Variants in OSBPL9 observed in about 807,000 individuals in gnomAD.
OSBPL9 encodes oxysterol binding protein like 9.
A neutral mutation model predicts 106.6 loss-of-function variants in OSBPL9; 40 were observed. That is an observed-to-expected ratio of 0.38 (90% CI 0.29 to 0.49). The LOEUF (loss-of-function observed/expected upper bound fraction) is 0.49. OSBPL9 is among the 20% of genes least tolerant of loss of function. OSBPL9 has a pLI of 0.97. For synonymous variants in OSBPL9, 269 were observed against 295.4 expected (o/e 0.91, Z 0.92); for missense variants, 609 against 887.2 (o/e 0.69, Z 3.98).
intron 1 of OSBPL9, among the ~76,000 whole-genome samples, chr1:51,646,880 A>G (rs563664027): frequency 6.6e-6 from 1 of 152,238 alleles, no homozygotes; most frequent in Non-Finnish European, 1.5e-5. Flanking sequence ...TCAAACAGAA[A>G]TACTTTAAAC....
At chr1:51,620,977 C>T (rs1002609476) in intron 1 of OSBPL9, among the ~76,000 whole-genome samples, 1 of 152,200 alleles carries the variant, frequency 6.6e-6, no homozygotes, top group Non-Finnish European at 1.5e-5. Context: ...ATTCACTTGC[C>T]TCGGCCTCCC....
chr1:51,519,244 A>G, the OSBPL9 span: 2 of 1,161,988 alleles, frequency 1.7e-6, no homozygotes, highest in Non-Finnish European at 2.2e-6. Flanking sequence ...TGTTTCCATC[A>G]TGCAAGGGAG....
chr1:51,519,175 C>T, the OSBPL9 span: 1 of 1,431,066 alleles, frequency 7.0e-7, no homozygotes, highest in Non-Finnish European at 9.2e-7. Context: ...CGGCCAAGCC[C>T]GGCGGACGGG....
chr1:51,599,645 G>A (rs922964186), intron 2 of OSBPL9, among the ~76,000 whole-genome samples: 12 of 152,174 alleles, frequency 7.9e-5, no homozygotes, highest in Middle Eastern at 3.4e-3. Context: ...TCTACAAGCT[G>A]ATAAAATGTG....
intron 3 of OSBPL9, among the ~76,000 whole-genome samples, chr1:51,671,923 T>C (rs1649971713): frequency 6.6e-6 from 1 of 152,184 alleles, no homozygotes; most frequent in African/African-American, 2.4e-5. Context: ...CACAGTCATA[T>C]ACTTTGTTTT....
At chr1:51,723,598 G>A (rs1209590412) in intron 4 of OSBPL9, among the ~76,000 whole-genome samples, 1 of 151,534 alleles carries the variant, frequency 6.6e-6, no homozygotes, top group Non-Finnish European at 1.5e-5. Context: ...CCAGGCTGGA[G>A]TGCAGTGGCC....
At chr1:51,645,238 C>T (rs1646075281) in intron 1 of OSBPL9, among the ~76,000 whole-genome samples, 1 of 152,118 alleles carries the variant, frequency 6.6e-6, no homozygotes, top group African/African-American at 2.4e-5. Context: ...AATCACCTTC[C>T]TTTATTTTCT....
chr1:51,676,725 G>A (rs550953445), intron 3 of OSBPL9, among the ~76,000 whole-genome samples: 2 of 150,308 alleles, frequency 1.3e-5, no homozygotes, highest in East Asian at 3.9e-4. Context: ...TGACACATTT[G>A]TTAATTGGCT....
At chr1:51,630,417 A>G (rs1344602486) in intron 1 of OSBPL9, among the ~76,000 whole-genome samples, 1 of 152,120 alleles carries the variant, frequency 6.6e-6, no homozygotes, top group Admixed American at 6.6e-5. Context: ...GCACTACAAC[A>G]TTACTGTACT....
intron 3 of OSBPL9, among the ~76,000 whole-genome samples, chr1:51,691,273 C>CTTTTTTT (rs1005953851): frequency 5.5e-4 from 60 of 108,930 alleles, no homozygotes; most frequent in Non-Finnish European, 7.0e-4. Context: ...CTTGCTGTAA[C>CTTTTTTT]TTTTTTTTTT....
rs201457100 is a variant in OSBPL9 at position 51,788,778 on chromosome 1, G to GAT, written c.*991_*992dup. Among the ~76,000 whole-genome samples the GAT allele has an allele frequency of 0.011, 1,601 of 151,942 alleles. 24 individuals carry two copies. The highest frequency in any genetic ancestry group is 0.037 in the African/African-American group (1,545 of 41,426). ...CACAGTGAACAAAAATAGATAGATA[G>GAT]ATAGAATAAAATGAATGCCACAGCA... On this transcript the variant is annotated 3_prime_UTR_variant, in exon 24 of 24. Transcript: ENST00000428468.
intron 3 of OSBPL9, among the ~76,000 whole-genome samples, chr1:51,679,904 T>C (rs887070809): frequency 2.0e-5 from 3 of 152,218 alleles, no homozygotes; most frequent in Non-Finnish European, 4.4e-5. Flanking sequence ...AACTTTATTA[T>C]AGGCAAGTAT....
intron 3 of OSBPL9, among the ~76,000 whole-genome samples, chr1:51,711,152 C>G (rs957308119): frequency 1.3e-5 from 2 of 152,028 alleles, no homozygotes; most frequent in Non-Finnish European, 2.9e-5. Flanking sequence ...ATCTTTTCCC[C>G]ACCTTTCCCC....
At chr1:51,550,215 AAAGT>A in the OSBPL9 span, among the ~76,000 whole-genome samples, 3 of 152,242 alleles carry the variant, frequency 2.0e-5, no homozygotes, top group Non-Finnish European at 4.4e-5. Flanking sequence ...AATTTATGGC[AAAGT>A]GCTTTCTAAT....
intron 1 of OSBPL9, among the ~76,000 whole-genome samples, chr1:51,649,981 C>T (rs1446558006): frequency 6.6e-6 from 1 of 151,842 alleles, no homozygotes; most frequent in Non-Finnish European, 1.5e-5. Context: ...CTCAAGCAGT[C>T]CTCCCACCTC....
intron 3 of OSBPL9, among the ~76,000 whole-genome samples, chr1:51,703,689 G>C (rs1320883237): frequency 4.6e-5 from 7 of 152,170 alleles, no homozygotes; most frequent in Admixed American, 3.9e-4. Context: ...GAATAGGAGT[G>C]GTGAGAGAGG....
At chr1:51,656,866 G>A (rs1015829433) in intron 2 of OSBPL9, among the ~76,000 whole-genome samples, 4 of 151,352 alleles carry the variant, frequency 2.6e-5, no homozygotes, top group South Asian at 2.1e-4. Context: ...GTCTCACTGT[G>A]TTGCCCAGGC....
chr1:51,740,160 T>A, intron 4 of OSBPL9: 1 of 1,547,090 alleles, frequency 6.5e-7, no homozygotes, highest in Non-Finnish European at 8.7e-7. Flanking sequence ...CCACACTTGC[T>A]TTTTTCCAGT....
chr1:51,612,125 T>C (rs977392356), upstream of OSBPL9, among the ~76,000 whole-genome samples: 2 of 152,248 alleles, frequency 1.3e-5, no homozygotes, highest in African/African-American at 2.4e-5. Flanking sequence ...TAAAATCTTA[T>C]CTCCAAAATG....
Sources: allele counts gnomAD v4.1 joint callset (sites outside exome capture counted in the v4.1 genomes callset), GRCh38; gene constraint gnomAD v4.1.1; transcripts MANE v1.5; gene names NCBI Gene and HGNC (gene_info 2026-07-23, HGNC 2026-07-21).